The following AK5 variants were observed in gnomAD, a reference collection of about 807,000 sequenced individuals.
The protein encoded by AK5 is adenylate kinase isoenzyme 5.
In AK5, 27 loss-of-function variants were observed where a neutral mutation model predicts 69.5. The ratio of observed to expected loss-of-function variants is 0.39; its 90% confidence interval spans 0.29 to 0.54. The LOEUF (loss-of-function observed/expected upper bound fraction) is 0.54, where lower values mean the gene tolerates loss of function less well. Ranked by LOEUF, AK5 falls within the 20% of genes least tolerant of loss-of-function variation. The pLI is 0.71. For synonymous variants in AK5, 260 were observed against 244.4 expected, an observed-to-expected ratio of 1.06 and a Z score of -0.60; for missense variants, 531 against 700.4, an observed-to-expected ratio of 0.76 and a Z score of 2.73.
At chr1:77,334,820 G>A (rs958583096) in intron 5 of AK5, among the ~76,000 whole-genome samples, 9 of 152,128 alleles carry the variant, frequency 5.9e-5, no homozygotes, top group Non-Finnish European at 2.9e-5. Flanking sequence ...CTGGGGGTGG[G>A]GTTTGGTGTG....
chr1:77,404,970 G>A (rs548692907), intron 6 of AK5, among the ~76,000 whole-genome samples: 24 of 152,158 alleles, frequency 1.6e-4, no homozygotes, highest in Non-Finnish European at 2.8e-4. Flanking sequence ...CAAATTACTC[G>A]GAGGATATAA....
chr1:77,306,929 G>C (rs923607494), intron 5 of AK5, among the ~76,000 whole-genome samples: 12 of 152,044 alleles, frequency 7.9e-5, no homozygotes, highest in African/African-American at 2.9e-4. Context: ...AGTATCAGTT[G>C]TAATGTCTTC....
intron 13 of AK5, chr1:77,540,613 A>G (rs1659213884): frequency 6.6e-6 from 1 of 152,242 alleles, no homozygotes; most frequent in Non-Finnish European, 1.5e-5. Flanking sequence ...GTTACCAGCC[A>G]AAGACTCCCT....
chr1:77,356,838 T>C (rs926724018), intron 6 of AK5, among the ~76,000 whole-genome samples: 2 of 152,204 alleles, frequency 1.3e-5, no homozygotes, highest in Non-Finnish European at 2.9e-5. Context: ...CCAGTGGTAT[T>C]TTTAAAATCT....
intron 6 of AK5, among the ~76,000 whole-genome samples, chr1:77,409,848 G>T (rs756724807): frequency 1.3e-5 from 2 of 152,074 alleles, no homozygotes; most frequent in African/African-American, 2.4e-5. Context: ...TGCCTAGGTT[G>T]TCTTCTAGGA....
At chr1:77,420,234 A>T (rs1037374105) in intron 8 of AK5, 4 of 152,168 alleles carry the variant, frequency 2.6e-5, no homozygotes, top group African/African-American at 9.7e-5. Flanking sequence ...GTATGCCCTC[A>T]TTAAAGAGGT....
At chr1:77,298,349 G>C (rs1297572374) in intron 5 of AK5, among the ~76,000 whole-genome samples, 1 of 151,868 alleles carries the variant, frequency 6.6e-6, no homozygotes, top group African/African-American at 2.4e-5. Context: ...GTGAAATACT[G>C]AACCACCTAC....
Position 77,499,478 on chromosome 1 carries a change from C to A in AK5, c.1147+13126C>A, listed in dbSNP as rs576989563. Among the ~76,000 whole-genome samples, 68 of 152,336 alleles carry A rather than the reference C, an allele frequency of 4.5e-4. No individual in the cohort carries two copies. The South Asian group carries it at 0.014, about 31-fold the overall frequency. The stretch of plus-strand genomic sequence containing the variant: ...GTTACTGCCACGCATCCACCCATCA[C>A]CACCGGCCCAGCGACCTTGGTGTAA... On this transcript the variant is annotated intron_variant, in intron 10 of 13. Transcript: ENST00000354567.
intron 6 of AK5, among the ~76,000 whole-genome samples, chr1:77,391,525 A>G (rs6685119): frequency 0.01 from 1,264 of 121,510 alleles, 19 homozygotes; most frequent in South Asian, 0.033. Context: ...ATATATATAT[A>G]TATCTCCTCA....
In AK5 at chr1:77,299,243, A is replaced by G. The variant is rs546876648; in HGVS notation, c.699+1296A>G. 4.9e-5 allele frequency among the ~76,000 whole-genome samples: 7 copies of G among 143,888 alleles called. No individual in the cohort carries two copies. In the South Asian group the frequency reaches 6.5e-4, roughly 13 times the overall value. The allele number at this position is 143,888 out of a possible 152,430, so 94.4% of individuals were successfully genotyped here. A position where few individuals can be genotyped will look rare whatever the true frequency, so the allele number is the denominator to read the frequency against. On this transcript the variant is annotated intron_variant, in intron 5 of 13. Transcript: ENST00000354567. ...TACTATTAAGGTTAAGTATATTTTC[A>G]TACACTCATTGGCCATGTGTATTTC...
At chr1:77,332,647 C>A (rs1038455232) in intron 5 of AK5, among the ~76,000 whole-genome samples, 1 of 149,610 alleles carries the variant, frequency 6.7e-6, no homozygotes, top group African/African-American at 2.5e-5. Context: ...ATTATTTATG[C>A]CGAGCTTATT....
intron 6 of AK5, among the ~76,000 whole-genome samples, chr1:77,403,351 T>C (rs924673809): frequency 6.6e-6 from 1 of 152,098 alleles, no homozygotes; most frequent in African/African-American, 2.4e-5. Context: ...TTTTGGTGTT[T>C]TAGTCATGAA....
At chr1:77,381,886 A>C (rs532559687) in intron 6 of AK5, among the ~76,000 whole-genome samples, 3 of 152,352 alleles carry the variant, frequency 2.0e-5, no homozygotes, top group African/African-American at 7.2e-5. Flanking sequence ...GATGCTAGAT[A>C]GCATTAAAAT....
chr1:77,313,752 C>T (rs373811626), intron 5 of AK5: 16 of 505,662 alleles, frequency 3.2e-5, no homozygotes, highest in Non-Finnish European at 4.9e-5. Flanking sequence ...CAGCTGCTGC[C>T]GTGATTCTTA....
At chr1:77,512,489 T>A (rs1657407044) in intron 10 of AK5, among the ~76,000 whole-genome samples, 1 of 152,184 alleles carries the variant, frequency 6.6e-6, no homozygotes, top group Non-Finnish European at 1.5e-5. Context: ...GAGATGGGAA[T>A]AGGAACATTT....
At chr1:77,340,707 T>C in intron 6 of AK5, 139 bp downstream of exon 6, 1 of 570,906 alleles carries the variant, frequency 1.8e-6, no homozygotes, top group Admixed American at 3.7e-5. Context: ...AAAAAATGTA[T>C]CATTTTGACC....
chr1:77,439,479 CA>C (rs1652169295), intron 8 of AK5, among the ~76,000 whole-genome samples: 1 of 152,094 alleles, frequency 6.6e-6, no homozygotes, highest in Non-Finnish European at 1.5e-5. Context: ...ACTTTGCTAT[CA>C]AAAACTAGAA....
At position 77,457,094 on chromosome 1, in the gene AK5, T is replaced by C. The variant is rs180705655; in HGVS notation, c.1060-26223T>C. Among the ~76,000 whole-genome samples the C allele has an allele frequency of 3.7e-3, 570 of 152,304 alleles. 1 individual carries two copies. The highest frequency in any genetic ancestry group is 0.013 in the African/African-American group (557 of 41,558). Reference sequence around the variant, plus strand: ...CACTGTCTTCTGCCTTGCCATATTGTGGTCAGGCGTTGTTCTGATTTTCAG... The same window carrying C: ...CACTGTCTTCTGCCTTGCCATATTGCGGTCAGGCGTTGTTCTGATTTTCAG... On this transcript the variant is annotated intron_variant, in intron 8 of 13. Transcript: ENST00000354567.
intron 8 of AK5, among the ~76,000 whole-genome samples, chr1:77,420,726 A>G (rs1315056699): frequency 6.6e-6 from 1 of 152,174 alleles, no homozygotes; most frequent in East Asian, 1.9e-4. Context: ...ACTCCAATAA[A>G]GCCATTAACA....
Sources: gnomAD v4.1 joint callset for allele counts (sites outside exome capture counted in the v4.1 genomes callset) on GRCh38, gnomAD v4.1.1 for gene constraint, MANE v1.5 for transcripts, NCBI Gene and HGNC (gene_info 2026-07-23, HGNC 2026-07-21) for gene names.